The following GALNTL6 variants were observed in gnomAD, a reference collection of about 807,000 sequenced individuals.
The protein encoded by GALNTL6 is polypeptide N-acetylgalactosaminyltransferase-like 6.
In GALNTL6, 46 loss-of-function variants were observed where a neutral mutation model predicts 73.7. The observed-to-expected ratio is 0.62, with a 90% confidence interval of 0.49 to 0.80. The LOEUF (loss-of-function observed/expected upper bound fraction) is 0.80, where lower values mean the gene tolerates loss of function less well. Ranked by LOEUF, GALNTL6 falls within the 30% of genes least tolerant of loss-of-function variation. The pLI, the probability that GALNTL6 is intolerant of heterozygous loss-of-function variation, is 0.00. For missense variants in GALNTL6, 604 were observed against 755.0 expected, an observed-to-expected ratio of 0.80 and a Z score of 2.34; for synonymous variants, 259 against 263.7, an observed-to-expected ratio of 0.98 and a Z score of 0.17.
intron 2 of GALNTL6, among the ~76,000 whole-genome samples, chr4:171,837,043 G>A (rs548271677): frequency 6.6e-6 from 1 of 152,106 alleles, no homozygotes; most frequent in Non-Finnish European, 1.5e-5. Flanking sequence ...ATTTTACAAG[G>A]AGGAATATTG....
intron 2 of GALNTL6, among the ~76,000 whole-genome samples, chr4:171,991,064 C>G (rs937757334): frequency 6.6e-6 from 1 of 152,042 alleles, no homozygotes. Context: ...GAGACTTCAG[C>G]AATGTTGCTA....
intron 5 of GALNTL6, among the ~76,000 whole-genome samples, chr4:172,395,539 A>C (rs1245185870): frequency 6.6e-6 from 1 of 152,150 alleles, no homozygotes; most frequent in African/African-American, 2.4e-5. Context: ...AGTTAATGGC[A>C]CAGGAGTATA....
intron 2 of GALNTL6, among the ~76,000 whole-genome samples, chr4:171,963,266 G>A (rs1032377639): frequency 6.6e-6 from 1 of 152,034 alleles, no homozygotes; most frequent in Non-Finnish European, 1.5e-5. Flanking sequence ...AAATGATGTA[G>A]CTAGGAGTAC....
chr4:172,682,329 A>G (rs750601283), intron 5 of GALNTL6, among the ~76,000 whole-genome samples: 17 of 152,206 alleles, frequency 1.1e-4, no homozygotes, highest in Non-Finnish European at 2.2e-4. Context: ...GTTGTATCTC[A>G]TTAAATATTT....
At chr4:172,033,342 A>G (rs1368458745) in intron 2 of GALNTL6, among the ~76,000 whole-genome samples, 3 of 152,000 alleles carry the variant, frequency 2.0e-5, no homozygotes, top group Admixed American at 1.3e-4. Flanking sequence ...ATTTTTTTCT[A>G]TAGTGTAGAA....
At chr4:172,122,340 G>A (rs1733174567) in intron 2 of GALNTL6, among the ~76,000 whole-genome samples, 1 of 152,026 alleles carries the variant, frequency 6.6e-6, no homozygotes, top group Non-Finnish European at 1.5e-5. Flanking sequence ...ATGGAGTCTT[G>A]TTCCAATGTC....
Position 172,304,746 on chromosome 4 carries a change from G to C in GALNTL6, c.248-6868G>C, listed in dbSNP as rs1255348846. On this transcript the variant is annotated intron_variant, in intron 3 of 12. Coordinates refer to ENST00000506823, the MANE Select transcript of GALNTL6 (RefSeq NM_001034845.3). Reference sequence around the variant, plus strand: ...ATCTTAAGAGATCTCTATTTAGATAGACTTATTATGTTCCAAACAGGATTT... The same window carrying C: ...ATCTTAAGAGATCTCTATTTAGATACACTTATTATGTTCCAAACAGGATTT... 2.0e-5 allele frequency among the ~76,000 whole-genome samples: 3 copies of C among 152,122 alleles called. No individual in the cohort carries two copies. In the South Asian group the frequency reaches 6.2e-4, roughly 32 times the overall value.
intron 2 of GALNTL6, among the ~76,000 whole-genome samples, chr4:171,913,172 G>T (rs894648138): frequency 6.6e-6 from 1 of 152,164 alleles, no homozygotes; most frequent in African/African-American, 2.4e-5. Context: ...TAAAGTAGCT[G>T]TTGGGGAACC....
chr4:172,346,144 A>C (rs769138300), intron 4 of GALNTL6, among the ~76,000 whole-genome samples: 1 of 152,206 alleles, frequency 6.6e-6, no homozygotes. Flanking sequence ...GCTAGAGCTT[A>C]TCTCTCATGA....
chr4:172,711,643 GAC>G (rs1734713023), intron 5 of GALNTL6, among the ~76,000 whole-genome samples: 1 of 152,120 alleles, frequency 6.6e-6, no homozygotes, highest in Non-Finnish European at 1.5e-5. Context: ...GTTCGGAAGG[GAC>G]TTTTTTGTGA....
chr4:172,310,299 C>G, intron 3 of GALNTL6, among the ~76,000 whole-genome samples: 1 of 151,214 alleles, frequency 6.6e-6, no homozygotes, highest in South Asian at 2.1e-4. Flanking sequence ...ATGACAGGGT[C>G]TTGTTCTGTC....
At chr4:171,924,153 A>G (rs1737897562) in intron 2 of GALNTL6, among the ~76,000 whole-genome samples, 1 of 149,566 alleles carries the variant, frequency 6.7e-6, no homozygotes, top group South Asian at 2.1e-4. Flanking sequence ...CTAAACACAT[A>G]AATTGGTTAA....
In GALNTL6 at chr4:172,644,359, A is replaced by T. The variant is rs985230291; in HGVS notation, c.554-165002A>T. 4.6e-5 allele frequency among the ~76,000 whole-genome samples: 7 copies of T among 151,952 alleles called. 1 individual carries two copies. Among genetic ancestry groups the T allele is most frequent in the African/African-American group, 1.7e-4 (7 of 41,402 alleles). ...TATGGTAACCACCATCTAGAACAAG[A>T]TATAGAACATACTCAGCACCCCAGA... On this transcript the variant is annotated intron_variant, in intron 5 of 12. Coordinates refer to ENST00000506823, the MANE Select transcript of GALNTL6 (RefSeq NM_001034845.3).
intron 5 of GALNTL6, among the ~76,000 whole-genome samples, chr4:172,699,263 C>T (rs1733884719): frequency 1.3e-5 from 2 of 152,126 alleles, no homozygotes; most frequent in African/African-American, 4.8e-5. Flanking sequence ...GGGACACAAA[C>T]ATTTAGACCA....
chr4:171,887,313 G>A (rs1448722175), intron 2 of GALNTL6, among the ~76,000 whole-genome samples: 1 of 152,160 alleles, frequency 6.6e-6, no homozygotes, highest in Non-Finnish European at 1.5e-5. Flanking sequence ...TAGCAGTTGG[G>A]ATACGATCAT....
chr4:172,046,216 A>C (rs561791542), intron 2 of GALNTL6, among the ~76,000 whole-genome samples: 2 of 151,992 alleles, frequency 1.3e-5, no homozygotes, highest in African/African-American at 2.4e-5. Flanking sequence ...TAAACATGGG[A>C]TTGCAGATAT....
intron 9 of GALNTL6, among the ~76,000 whole-genome samples, chr4:172,946,124 C>CGG (rs1749154206): frequency 6.7e-6 from 1 of 148,432 alleles, no homozygotes; most frequent in Non-Finnish European, 1.5e-5. Context: ...GGGGAAAAAG[C>CGG]GTGTGTGTGT....
chr4:172,771,783 A>T (rs1393500538), intron 5 of GALNTL6, among the ~76,000 whole-genome samples: 1 of 152,224 alleles, frequency 6.6e-6, no homozygotes, highest in African/African-American at 2.4e-5. Context: ...TTCTTGAGTG[A>T]ACCTTAAATG....
intron 8 of GALNTL6, among the ~76,000 whole-genome samples, chr4:172,929,941 A>C (rs574035841): frequency 1.3e-5 from 2 of 152,242 alleles, no homozygotes; most frequent in Admixed American, 6.5e-5. Context: ...GAAGGTTGTC[A>C]TGGTAAAATA....
Sources: gnomAD v4.1 joint callset for allele counts (sites outside exome capture counted in the v4.1 genomes callset) on GRCh38, gnomAD v4.1.1 for gene constraint, MANE v1.5 for transcripts, NCBI Gene and HGNC (gene_info 2026-07-23, HGNC 2026-07-21) for gene names.